CCDC93: variants seen among roughly 807,000 people sequenced by gnomAD.
CCDC93 encodes CCC complex scaffolding subunit CCDC93.
A neutral mutation model predicts 108.2 loss-of-function variants in CCDC93; 61 were observed. That is an observed-to-expected ratio of 0.56 (90% CI 0.46 to 0.70). CCDC93 has a LOEUF of 0.70. Ranked by LOEUF, CCDC93 falls within the 30% of genes least tolerant of loss-of-function variation. CCDC93 has a pLI of 0.00. For synonymous variants in CCDC93, 276 were observed against 260.4 expected (o/e 1.06, Z -0.58); for missense variants, 685 against 764.2 (o/e 0.90, Z 1.22).
intron 11 of CCDC93, among the ~76,000 whole-genome samples, chr2:117,968,674 T>G (rs534325901): frequency 6.6e-6 from 1 of 152,350 alleles, no homozygotes; most frequent in African/African-American, 2.4e-5. Flanking sequence ...TGTTTTTATA[T>G]CCCAGTGCCT....
At chr2:117,940,209 T>A (rs1678653542) in intron 19 of CCDC93, among the ~76,000 whole-genome samples, 1 of 152,146 alleles carries the variant, frequency 6.6e-6, no homozygotes, top group Admixed American at 6.5e-5. Flanking sequence ...CGAATTCAAT[T>A]TTGTACCTGT....
chr2:117,995,674 C>A (rs542241176), intron 5 of CCDC93, 172 bp from the exon 6 acceptor site: 3 of 597,524 alleles, frequency 5.0e-6, no homozygotes, highest in Non-Finnish European at 3.0e-6. Flanking sequence ...GGCTACAAAC[C>A]CTGCAGATGG....
chr2:117,989,454 T>A (rs1221227134), intron 6 of CCDC93, among the ~76,000 whole-genome samples: 1 of 152,346 alleles, frequency 6.6e-6, no homozygotes, highest in East Asian at 1.9e-4. Flanking sequence ...AGCTTATATA[T>A]GCTACTGCCA....
chr2:117,948,280 C>G, intron 14 of CCDC93, 94 bp from the exon 15 acceptor site: 1 of 811,884 alleles, frequency 1.2e-6, no homozygotes, highest in East Asian at 2.5e-5. Flanking sequence ...AAAGGACTCT[C>G]CTTTTAATTT....
intron 3 of CCDC93, among the ~76,000 whole-genome samples, chr2:118,006,179 C>T (rs1676862312): frequency 1.3e-5 from 2 of 152,302 alleles, no homozygotes; most frequent in African/African-American, 4.8e-5. Flanking sequence ...TCACACATAT[C>T]TGAGGTCAGG....
chr2:117,975,365 T>C (rs1679909730), intron 8 of CCDC93, 85 bp from the exon 9 acceptor site: 7 of 1,015,132 alleles, frequency 6.9e-6, no homozygotes, highest in African/African-American at 1.6e-5. Flanking sequence ...GGCATGAGTC[T>C]GTGAAAAAAA....
intron 16 of CCDC93, among the ~76,000 whole-genome samples, chr2:117,945,828 TGAATGTAA>T (rs1326426730): frequency 6.6e-6 from 1 of 152,192 alleles, no homozygotes; most frequent in Non-Finnish European, 1.5e-5. Flanking sequence ...TAGCTCTTTT[TGAATGTAA>T]GAATCTCGCT....
chr2:117,962,633 A>G (rs1679433282), intron 11 of CCDC93, among the ~76,000 whole-genome samples: 1 of 152,172 alleles, frequency 6.6e-6, no homozygotes, highest in Admixed American at 6.5e-5. Flanking sequence ...GCAGAGTGGG[A>G]CTCTGCCTCA....
intron 21 of CCDC93, among the ~76,000 whole-genome samples, chr2:117,936,311 TA>T (rs1678524520): frequency 6.6e-6 from 1 of 151,852 alleles, no homozygotes; most frequent in East Asian, 1.9e-4. Context: ...ATGTACACAT[TA>T]ACCAAAAAAA....
At chr2:117,975,146 G>A in intron 9 of CCDC93, 42 bp downstream of exon 9, 2 of 1,525,394 alleles carry the variant, frequency 1.3e-6, no homozygotes, top group Non-Finnish European at 1.8e-6. Flanking sequence ...CTCCCAAAAT[G>A]ACTTACACAG....
At chr2:117,974,309 C>CT (rs766032882) in intron 10 of CCDC93, among the ~76,000 whole-genome samples, 6 of 152,064 alleles carry the variant, frequency 3.9e-5, no homozygotes, top group Non-Finnish European at 7.3e-5. Flanking sequence ...CAAACAGAGC[C>CT]TGCAGGGGAT....
At chr2:117,960,387 C>T (rs2104759263) in intron 11 of CCDC93, among the ~76,000 whole-genome samples, 1 of 152,352 alleles carries the variant, frequency 6.6e-6, no homozygotes, top group African/African-American at 2.4e-5. Flanking sequence ...ACCTTCCAGA[C>T]TTCCTCCAGT....
In CCDC93 at chr2:117,985,969, C is replaced by T; in HGVS notation, c.620G>A (p.Arg207Lys). 6.3e-7 allele frequency: 1 copy of T among 1,587,714 alleles called. No homozygotes were observed. Among genetic ancestry groups the T allele is most frequent in the Non-Finnish European group, 8.6e-7 (1 of 1,156,612 alleles). The change falls in exon 7 of 24, where the codon AGG becomes AAG. Residue 207 changes from arginine (R) to lysine (K), a missense_variant and splice_region_variant. Coordinates refer to ENST00000376300, the MANE Select transcript of CCDC93 (RefSeq NM_019044.5). ...RIHATLLEYG[R>K]RYGFSRQSKM... ...ACCTAGACTGGGTCCCACTCATTACCTGCCATATTCCAAAAGTGTAGCATG... is the reference window on the plus strand; with the variant it reads ...ACCTAGACTGGGTCCCACTCATTACTTGCCATATTCCAAAAGTGTAGCATG...
intron 3 of CCDC93, among the ~76,000 whole-genome samples, chr2:118,005,090 A>C (rs1036875386): frequency 1.3e-5 from 2 of 152,208 alleles, no homozygotes; most frequent in African/African-American, 4.8e-5. Flanking sequence ...CTAAACCTAA[A>C]AGAAGAAAAA....
At chr2:117,947,391 G>A (rs1678906801) in intron 15 of CCDC93, among the ~76,000 whole-genome samples, 1 of 152,024 alleles carries the variant, frequency 6.6e-6, no homozygotes, top group Non-Finnish European at 1.5e-5. Context: ...TCTCACACTA[G>A]AGTTGCCAGA....
intron 1 of CCDC93, 42 bp downstream of exon 1, chr2:118,013,908 CTCTT>C: frequency 1.3e-6 from 2 of 1,519,620 alleles, no homozygotes; most frequent in Non-Finnish European, 1.8e-6. Context: ...GCTCGGCCCT[CTCTT>C]CAGGAACCCC....
intron 23 of CCDC93, among the ~76,000 whole-genome samples, chr2:117,926,247 A>T (rs1463269280): frequency 1.3e-5 from 2 of 152,230 alleles, no homozygotes; most frequent in African/African-American, 4.8e-5. Context: ...AAGCTAGCAG[A>T]AGGCAAGAAA....
At chr2:117,949,578 T>A (rs1236104085) in intron 13 of CCDC93, 183 bp from the exon 14 acceptor site, 8 of 243,064 alleles carry the variant, frequency 3.3e-5, no homozygotes, top group Non-Finnish European at 5.3e-5. Flanking sequence ...TAAAAAAGAA[T>A]AAAGTAGCTC....
In CCDC93 at chr2:117,968,006, T is replaced by A. The variant is rs1679644135; in HGVS notation, c.888+5902A>T. Among the ~76,000 whole-genome samples, 2 of 152,172 alleles carry A rather than the reference T, an allele frequency of 1.3e-5. 1 individual carries two copies. ...GCATGGAGAGGCACTCAGGGTAGAT[T>A]CAGATTCACCAAGACAAATCTGTGC... On this transcript the variant is annotated intron_variant, in intron 11 of 23. Transcript: ENST00000376300.
Sources: gnomAD v4.1 joint callset for allele counts (sites outside exome capture counted in the v4.1 genomes callset) on GRCh38, gnomAD v4.1.1 for gene constraint, MANE v1.5 for transcripts, NCBI Gene and HGNC (gene_info 2026-07-23, HGNC 2026-07-21) for gene names.